Variants in KCNMB4 observed in about 807,000 individuals in gnomAD.
KCNMB4 encodes the protein calcium-activated potassium channel subunit beta-4.
Under a neutral mutation model 20.7 loss-of-function variants are expected in KCNMB4, and 3 were observed. That is an observed-to-expected ratio of 0.14 (90% CI 0.07 to 0.37). The LOEUF (loss-of-function observed/expected upper bound fraction) is 0.37. KCNMB4 is among the 10% of genes least tolerant of loss of function. KCNMB4 has a pLI of 1.00. For synonymous variants in KCNMB4, 110 were observed against 113.4 expected (o/e 0.97, Z 0.19); for missense variants, 168 against 265.9 (o/e 0.63, Z 2.56).
intron 2 of KCNMB4, among the ~76,000 whole-genome samples, chr12:70,424,646 A>G (rs1343166404): frequency 6.6e-6 from 1 of 150,810 alleles, no homozygotes; most frequent in African/African-American, 2.4e-5. Context: ...GCTACTCAGG[A>G]GGCTGAGGCA....
intron 1 of KCNMB4, among the ~76,000 whole-genome samples, chr12:70,399,401 T>C (rs938388800): frequency 2.0e-5 from 3 of 152,230 alleles, no homozygotes; most frequent in East Asian, 3.8e-4. Context: ...GAAATTGTTA[T>C]AGGGTTGTAA....
intron 2 of KCNMB4, among the ~76,000 whole-genome samples, chr12:70,416,084 G>C (rs548409016): frequency 6.6e-6 from 1 of 152,174 alleles, no homozygotes; most frequent in Non-Finnish European, 1.5e-5. Context: ...TGTTTCCTTA[G>C]TGAAACCATT....
intron 1 of KCNMB4, among the ~76,000 whole-genome samples, chr12:70,391,194 G>T (rs1314943211): frequency 6.6e-6 from 1 of 152,126 alleles, no homozygotes; most frequent in African/African-American, 2.4e-5. Flanking sequence ...AACCTTAGAA[G>T]GTTATCTATT....
At chr12:70,407,451 T>C (rs1593339827) in intron 2 of KCNMB4, among the ~76,000 whole-genome samples, 1 of 141,352 alleles carries the variant, frequency 7.1e-6, no homozygotes, top group South Asian at 2.4e-4. Context: ...AGAGAGGTGG[T>C]GCTGAATTCT....
intron 1 of KCNMB4, among the ~76,000 whole-genome samples, chr12:70,390,797 C>CT (rs1164968144): frequency 6.6e-6 from 1 of 152,200 alleles, no homozygotes; most frequent in African/African-American, 2.4e-5. Flanking sequence ...CTCCCTGGGC[C>CT]TATTGTGACA....
intron 2 of KCNMB4, among the ~76,000 whole-genome samples, chr12:70,417,675 G>GA (rs1186925957): frequency 6.6e-6 from 1 of 152,064 alleles, no homozygotes; most frequent in Non-Finnish European, 1.5e-5. Context: ...GTGGCCTTTG[G>GA]AAAAAACCTC....
chr12:70,428,113 G>A (rs1472147575), intron 2 of KCNMB4, among the ~76,000 whole-genome samples: 1 of 151,756 alleles, frequency 6.6e-6, no homozygotes, highest in Admixed American at 6.6e-5. Flanking sequence ...CGACCTCCTG[G>A]GCTCGAGAGA....
chr12:70,382,216 C>T (rs1044822172), intron 1 of KCNMB4, among the ~76,000 whole-genome samples: 7 of 151,770 alleles, frequency 4.6e-5, no homozygotes, highest in African/African-American at 7.2e-5. Context: ...GAGGCCGAGG[C>T]GGGCGGATCA....
At chr12:70,416,440 C>T (rs1014727078) in intron 2 of KCNMB4, among the ~76,000 whole-genome samples, 1 of 152,338 alleles carries the variant, frequency 6.6e-6, no homozygotes, top group East Asian at 1.9e-4. Flanking sequence ...TTGAATATCA[C>T]ATGCTACCAG....
In KCNMB4 at chr12:70,420,073, A is replaced by T. The variant is rs546897806; in HGVS notation, c.465-10412A>T. On this transcript the variant is annotated intron_variant, in intron 2 of 2. Coordinates refer to ENST00000258111, the MANE Select transcript of KCNMB4 (RefSeq NM_014505.6). Reference sequence around the variant, plus strand: ...TTGTAGATCTGAGTTATAAAATAGAATTAATAGAAAACAGTTTATTCCCTA... The same window carrying T: ...TTGTAGATCTGAGTTATAAAATAGATTTAATAGAAAACAGTTTATTCCCTA... Among the ~76,000 whole-genome samples, 17 of 152,268 alleles carry T rather than the reference A, an allele frequency of 1.1e-4. No homozygotes were observed. The South Asian group carries it at 3.3e-3, about 30-fold the overall frequency.
chr12:70,422,558 T>C, intron 2 of KCNMB4: 1 of 461,068 alleles, frequency 2.2e-6, no homozygotes, highest in Non-Finnish European at 3.7e-6. Context: ...TTGAAAATTC[T>C]CTTTCTGTTG....
intron 1 of KCNMB4, among the ~76,000 whole-genome samples, chr12:70,377,103 C>G (rs1387448411): frequency 6.6e-6 from 1 of 152,130 alleles, no homozygotes; most frequent in Non-Finnish European, 1.5e-5. Context: ...TCTACAGATT[C>G]ATTACAGTCT....
intron 1 of KCNMB4, among the ~76,000 whole-genome samples, chr12:70,380,629 A>G (rs76793657): frequency 0.043 from 6,555 of 151,752 alleles, 449 homozygotes; most frequent in East Asian, 0.33. Flanking sequence ...CTACCAACCT[A>G]TGGAATAGAA....
chr12:70,415,169 C>T (rs1455088627), intron 2 of KCNMB4, among the ~76,000 whole-genome samples: 1 of 152,192 alleles, frequency 6.6e-6, no homozygotes, highest in African/African-American at 2.4e-5. Context: ...ACACAATCCT[C>T]ATTTTATACA....
At chr12:70,404,564 T>C (rs1022820993) in intron 2 of KCNMB4, among the ~76,000 whole-genome samples, 1 of 152,154 alleles carries the variant, frequency 6.6e-6, no homozygotes, top group Non-Finnish European at 1.5e-5. Flanking sequence ...TTCCCAAAGT[T>C]CCCATCGACT....
intron 2 of KCNMB4, among the ~76,000 whole-genome samples, chr12:70,423,882 T>G (rs1179643159): frequency 1.3e-5 from 2 of 152,232 alleles, no homozygotes; most frequent in African/African-American, 4.8e-5. Context: ...ACAAAATACT[T>G]TTCCTTTACA....
intron 1 of KCNMB4, among the ~76,000 whole-genome samples, chr12:70,367,686 T>C (rs906246670): frequency 2.0e-5 from 3 of 152,056 alleles, no homozygotes; most frequent in Admixed American, 6.5e-5. Context: ...CTCCTAGTTT[T>C]CATGAAATAG....
At chr12:70,402,881 C>T (rs1215699606) in intron 2 of KCNMB4, among the ~76,000 whole-genome samples, 2 of 152,142 alleles carry the variant, frequency 1.3e-5, no homozygotes, top group African/African-American at 2.4e-5. Context: ...GAGAAAGAGC[C>T]TGTCTTTCTT....
At position 70,432,998 on chromosome 12, in the gene KCNMB4, T is replaced by C. The variant is rs2136146999; in HGVS notation, c.*2345T>C. On this transcript the variant is annotated 3_prime_UTR_variant, in exon 3 of 3. Coordinates refer to ENST00000258111, the MANE Select transcript of KCNMB4 (RefSeq NM_014505.6). The stretch of plus-strand genomic sequence containing the variant: ...AACGCTTCCATTTATCCCGAAAAAG[T>C]ATATGCAACTGTATTCTGTAGGTTG... 1 of 152,280 alleles carries C rather than the reference T, an allele frequency of 6.6e-6. No individual in the cohort carries two copies. Among genetic ancestry groups the C allele is most frequent in the East Asian group, 1.9e-4 (1 of 5,170 alleles). The allele number at this position is 152,280 out of a possible 1,614,324, so 9.4% of individuals were successfully genotyped here. A position where few individuals can be genotyped will look rare whatever the true frequency, so the allele number is the denominator to read the frequency against.
Sources: allele counts gnomAD v4.1 joint callset (sites outside exome capture counted in the v4.1 genomes callset), GRCh38; gene constraint gnomAD v4.1.1; transcripts MANE v1.5; gene names NCBI Gene and HGNC (gene_info 2026-07-23, HGNC 2026-07-21).